The following AMZ1 variants were observed in gnomAD, a reference collection of about 807,000 sequenced individuals.
The protein encoded by AMZ1 is archaemetzincin-1.
A neutral mutation model predicts 29.9 loss-of-function variants in AMZ1; 39 were observed. That is an observed-to-expected ratio of 1.30 (90% CI 1.01 to 1.70). The LOEUF (loss-of-function observed/expected upper bound fraction) is 1.70. Among genes scored for constraint, AMZ1 ranks in the 40% most tolerant of loss-of-function variants. AMZ1 has a pLI of 0.00. For missense variants in AMZ1, 1,041 were observed against 680.6 expected (o/e 1.53, Z -5.89); for synonymous variants, 458 against 304.0 (o/e 1.51, Z -5.27).
At chr7:2,689,998 C>A (rs781029168) in intron 1 of AMZ1, among the ~76,000 whole-genome samples, 1 of 152,106 alleles carries the variant, frequency 6.6e-6, no homozygotes, top group African/African-American at 2.4e-5. Context: ...CAGTGGGGAC[C>A]GGGGTTTTCC....
At chr7:2,760,453 C>T (rs901500928), upstream of AMZ1, 1 of 152,470 alleles carries the variant, frequency 6.6e-6, no homozygotes, top group Admixed American at 6.5e-5. Context: ...GTGGTAAGCA[C>T]CTGAGAACCA....
At chr7:2,705,257 C>T (rs58561671) in intron 3 of AMZ1, among the ~76,000 whole-genome samples, 4,488 of 152,220 alleles carry the variant, frequency 0.029, 225 homozygotes, top group African/African-American at 0.1. Flanking sequence ...CCCAGGGCTC[C>T]GCATCCCTCC....
At position 2,716,353 on chromosome 7, in the gene AMZ1, T is replaced by C. The variant is rs1427399776; in HGVS notation, c.*3475T>C. 3 of 152,332 alleles carry C rather than the reference T, an allele frequency of 2.0e-5. No individual in the cohort carries two copies. The highest frequency in any genetic ancestry group is 1.9e-4 in the East Asian group (1 of 5,186). The allele number at this position is 152,332 out of a possible 1,614,324, so 9.4% of individuals were successfully genotyped here. The stretch of plus-strand genomic sequence containing the variant: ...TGGGGAGAGGGGAGAAGCAGCATCC[T>C]GACTCCTGTCCATGGTGTGAACCCT... On this transcript the variant is annotated 3_prime_UTR_variant, in exon 7 of 7. Coordinates refer to ENST00000683327, the MANE Select transcript of AMZ1 (RefSeq NM_001384743.1).
intron 1 of AMZ1, among the ~76,000 whole-genome samples, chr7:2,681,492 C>T (rs963711446): frequency 6.6e-6 from 1 of 152,220 alleles, no homozygotes. Context: ...AACTCCAGGG[C>T]TCGAGAGATC....
At chr7:2,735,497 G>C (rs1790123489) in intron 4 of AMZ1, among the ~76,000 whole-genome samples, 1 of 152,198 alleles carries the variant, frequency 6.6e-6, no homozygotes, top group Non-Finnish European at 1.5e-5. Flanking sequence ...AAGGGGAAAA[G>C]CACCACAGAG....
At chr7:2,761,323 C>T (rs922489704), upstream of AMZ1, among the ~76,000 whole-genome samples, 3 of 152,256 alleles carry the variant, frequency 2.0e-5, no homozygotes, top group Non-Finnish European at 4.4e-5. Flanking sequence ...GAGCCGTCTG[C>T]TGGCTATGCC....
intron 1 of AMZ1, among the ~76,000 whole-genome samples, chr7:2,695,543 T>A (rs1787658119): frequency 7.6e-6 from 1 of 131,716 alleles, no homozygotes; most frequent in African/African-American, 2.9e-5. Context: ...ATAGTGAGAC[T>A]CTTCTCTACA....
intron 4 of AMZ1, among the ~76,000 whole-genome samples, chr7:2,734,153 G>A (rs1790040673): frequency 6.6e-6 from 1 of 152,114 alleles, no homozygotes. Flanking sequence ...TAGTGCGAAG[G>A]GCCCTGCGGA....
upstream of AMZ1, among the ~76,000 whole-genome samples, chr7:2,685,435 G>A (rs994971686): frequency 7.2e-5 from 11 of 151,934 alleles, no homozygotes; most frequent in African/African-American, 7.2e-5. Context: ...ACGGGCACCT[G>A]TAATCGCAGC....
Position 2,712,828 on chromosome 7 carries a change from C to T in AMZ1, c.1447C>T (p.Leu483Phe). The change falls in exon 7 of 7, where the codon CTC becomes TTC. Residue 483 changes from leucine (L) to phenylalanine (F), a missense_variant. Physicochemically the swap from Leu to Phe is conservative, Grantham distance 22. Transcript: ENST00000683327. Reference sequence around the variant, plus strand: ...GAGGAGGAAGCTGAGTGCCCGAAAACTCGCCAGAGCAGAGTCGGCCCCCCG... The same window carrying T: ...GAGGAGGAAGCTGAGTGCCCGAAAATTCGCCAGAGCAGAGTCGGCCCCCCG... The part of the protein sequence containing the change: ...SLRRKLSARK[L>F]ARAESAPRPW... 1 of 1,535,296 alleles carries T rather than the reference C, an allele frequency of 6.5e-7. No homozygotes were observed. The highest frequency in any genetic ancestry group is 1.3e-5 in the South Asian group (1 of 78,368).
intron 4 of AMZ1, among the ~76,000 whole-genome samples, chr7:2,748,690 C>G (rs1240660901): frequency 1.3e-5 from 2 of 152,146 alleles, no homozygotes; most frequent in Non-Finnish European, 2.9e-5. Context: ...AGTTTCTGCA[C>G]AGCAAAAGAA....
At chr7:2,740,579 G>A (rs142391989) in intron 4 of AMZ1, among the ~76,000 whole-genome samples, 66 of 152,266 alleles carry the variant, frequency 4.3e-4, no homozygotes, top group African/African-American at 1.5e-3. Context: ...GGCAGCTTGA[G>A]CCGACAAATA....
chr7:2,695,518 A>G (rs1583149866), intron 1 of AMZ1, among the ~76,000 whole-genome samples: 1 of 151,478 alleles, frequency 6.6e-6, no homozygotes, highest in East Asian at 1.9e-4. Context: ...GGAGTTCAAG[A>G]CCAGCCTGGG....
downstream of AMZ1, among the ~76,000 whole-genome samples, chr7:2,721,259 T>C (rs1388764421): frequency 6.6e-6 from 1 of 152,198 alleles, no homozygotes; most frequent in African/African-American, 2.4e-5. Flanking sequence ...CCGGGCCCTG[T>C]GCTGAGCGCT....
exon 1 of AMZ1, chr7:2,679,529 G>C (rs1374707216): frequency 6.6e-6 from 1 of 152,378 alleles, no homozygotes; most frequent in African/African-American, 2.4e-5. Context: ...TCTGATTGGT[G>C]CTGTGACCTG....
intron 1 of AMZ1, among the ~76,000 whole-genome samples, chr7:2,699,998 G>A (rs542760210): frequency 3.3e-5 from 5 of 152,290 alleles, no homozygotes; most frequent in East Asian, 1.9e-4. Context: ...GACTGTGACC[G>A]TCCCCTGGGT....
upstream of AMZ1, among the ~76,000 whole-genome samples, chr7:2,686,148 C>A (rs2115031411): frequency 6.6e-6 from 1 of 152,338 alleles, no homozygotes. Context: ...CCAGCGCAGA[C>A]CATCAGGGTG....
chr7:2,700,836 C>T (rs997762485), intron 2 of AMZ1, 81 bp downstream of exon 2: 44 of 1,516,012 alleles, frequency 2.9e-5, no homozygotes, highest in Non-Finnish European at 3.8e-5. Context: ...CTGTGCATAG[C>T]CCCCAGGCAG....
upstream of AMZ1, among the ~76,000 whole-genome samples, chr7:2,683,690 G>A (rs1261479131): frequency 6.6e-6 from 1 of 152,036 alleles, no homozygotes; most frequent in Non-Finnish European, 1.5e-5. Flanking sequence ...CGCCTGCCTT[G>A]GCCTCCCAAA....
Sources: allele counts gnomAD v4.1 joint callset (sites outside exome capture counted in the v4.1 genomes callset), GRCh38; gene constraint gnomAD v4.1.1; transcripts MANE v1.5; gene names NCBI Gene and HGNC (gene_info 2026-07-23, HGNC 2026-07-21).